The following SNX20 variants were observed in gnomAD, a reference collection of about 807,000 sequenced individuals.
SNX20 encodes sorting nexin-20.
SNX20 carries 21 observed loss-of-function variants against 24.5 expected under a neutral mutation model. The observed-to-expected ratio is 0.86, with a 90% CI of 0.61 to 1.23. The LOEUF is 1.23. Ranked by LOEUF, SNX20 falls within the 50% of genes most tolerant of loss-of-function variation. The pLI is 0.00. For synonymous variants in SNX20, 206 were observed against 192.8 expected, an observed-to-expected ratio of 1.07 and a Z score of -0.57; for missense variants, 433 against 430.8, an observed-to-expected ratio of 1.00 and a Z score of -0.04.
chr16:50,667,871 G>A (rs1413463978), downstream of SNX20: 8 of 801,088 alleles, frequency 1.0e-5, no homozygotes, highest in Admixed American at 1.8e-4. Flanking sequence ...GGCTCGGCGT[G>A]GGGACTTTTG....
downstream of SNX20, chr16:50,668,996 G>T (rs1039205011): frequency 1.9e-6 from 3 of 1,550,654 alleles, no homozygotes; most frequent in Non-Finnish European, 2.6e-6. Flanking sequence ...ACCCCTAAGA[G>T]CTTCCTGGAA....
intron 2 of SNX20, among the ~76,000 whole-genome samples, chr16:50,676,446 G>A (rs1963184243): frequency 6.6e-6 from 1 of 152,114 alleles, no homozygotes; most frequent in Non-Finnish European, 1.5e-5. Flanking sequence ...GACGTGCACT[G>A]CTCTGCCTTG....
In SNX20 at chr16:50,675,425, C is replaced by A. The variant is rs528518894; in HGVS notation, c.282+345G>T. 5.1e-4 allele frequency among the ~76,000 whole-genome samples: 77 copies of A among 152,112 alleles called. No homozygotes were observed. In the East Asian group the frequency reaches 0.013, roughly 25 times the overall value. ...TGCTTCATGTTTTTAAAAAGTGATC[C>A]AATTTAAAGAAAAAAATAAGTAATA... On this transcript the variant is annotated intron_variant, in intron 3 of 3. Coordinates refer to ENST00000330943, the MANE Select transcript of SNX20 (RefSeq NM_182854.4).
In SNX20 at chr16:50,677,403, G is replaced by A. The variant is rs1334422714; in HGVS notation, c.124C>T (p.His42Tyr). ...PDLPHPGPDGHLDTHSGLSSN... is the reference protein window; with the variant it reads ...PDLPHPGPDGYLDTHSGLSSN... ...TCTCAAGCCTCAAGCCCACCTAAGT[G>A]CCCGTCAGGTCCTGGGTGCGGGAGG... Residue 42 changes from histidine (H) to tyrosine (Y), a missense_variant, in exon 2 of 4, where the codon CAC (histidine) becomes TAC (tyrosine). Coordinates refer to ENST00000330943, the MANE Select transcript of SNX20 (RefSeq NM_182854.4). 1.3e-6 allele frequency: 2 copies of A among 1,590,850 alleles called. No homozygotes were observed. The highest frequency in any genetic ancestry group is 1.7e-6 in the Non-Finnish European group (2 of 1,167,904).
downstream of SNX20, chr16:50,667,862 G>T (rs1962950870): frequency 6.7e-6 from 5 of 742,406 alleles, no homozygotes; most frequent in Non-Finnish European, 4.5e-6. Context: ...ACAGATGAGG[G>T]CTCGGCGTGG....
downstream of SNX20, chr16:50,670,051 G>T (rs1005816000): frequency 3.3e-5 from 5 of 152,294 alleles, no homozygotes; most frequent in African/African-American, 9.7e-5. Flanking sequence ...CCAGTGGGGG[G>T]GAGTGGCTGC....
At chr16:50,678,864 CTG>C (rs1963237756) in intron 1 of SNX20, among the ~76,000 whole-genome samples, 2 of 152,200 alleles carry the variant, frequency 1.3e-5, no homozygotes. Context: ...CAGGCAGACT[CTG>C]AAGCCTCAGC....
downstream of SNX20, chr16:50,668,261 GACA>G: frequency 7.0e-7 from 1 of 1,420,868 alleles, no homozygotes; most frequent in Non-Finnish European, 9.2e-7. Flanking sequence ...CCTTTTGCAG[GACA>G]ACATTTTCCA....
Position 50,671,729 on chromosome 16 carries a change from G to C in SNX20, c.*1677C>G, listed in dbSNP as rs1365179407. On this transcript the variant is annotated 3_prime_UTR_variant, in exon 4 of 4. Transcript: ENST00000330943. Reference sequence around the variant, plus strand: ...TCAAGAAGTCCAATATCTCTCACTTGAAGTGTCTTTTCCCTGGAGTAGATT... The same window carrying C: ...TCAAGAAGTCCAATATCTCTCACTTCAAGTGTCTTTTCCCTGGAGTAGATT... The C allele has an allele frequency of 2.6e-5, 4 of 152,142 alleles. No homozygotes were observed. 9.4% of individuals were successfully genotyped at this position (152,142 alleles called of 1,614,324 possible).
chr16:50,668,715 C>T, downstream of SNX20: 2 of 1,088,466 alleles, frequency 1.8e-6, no homozygotes, highest in Non-Finnish European at 2.2e-6. Flanking sequence ...TGGCTGGGCA[C>T]AGCTTGGCTT....
downstream of SNX20, chr16:50,667,932 TA>T (rs1054263866): frequency 3.7e-6 from 5 of 1,346,744 alleles, no homozygotes; most frequent in Admixed American, 2.0e-5. Flanking sequence ...GCTAGATGGG[TA>T]GGGGGGGACC....
At chr16:50,680,961 G>A (rs1209840936) in intron 1 of SNX20, among the ~76,000 whole-genome samples, 1 of 152,228 alleles carries the variant, frequency 6.6e-6, no homozygotes, top group African/African-American at 2.4e-5. Flanking sequence ...CCAGGCCCAA[G>A]ATGGGTTGTA....
intron 2 of SNX20, among the ~76,000 whole-genome samples, chr16:50,676,424 G>A (rs1005346039): frequency 2.0e-5 from 3 of 152,104 alleles, no homozygotes; most frequent in African/African-American, 7.2e-5. Context: ...CCCACATGCC[G>A]GGCTCTTCTC....
rs1248844896 is a variant in SNX20, at chr16:50,673,447, TGCCTCGGGGCGTGG to T, written c.896_909del (p.Pro299HisfsTer60). ...CGCACAGTGAGCTCCTTCAGGGTGATGCCTCGGGGCGTGGGCCTCCGGAGCTGGCTCTCCTCCAG... is the reference window on the plus strand; with the variant it reads ...CGCACAGTGAGCTCCTTCAGGGTGATGCCTCCGGAGCTGGCTCTCCTCCAG... On this transcript the variant is annotated frameshift_variant, in exon 4 of 4. Coordinates refer to ENST00000330943, the MANE Select transcript of SNX20 (RefSeq NM_182854.4). LOFTEE classifies it high-confidence loss of function. The surrounding 1 kb of genome is among the most constrained non-coding windows in gnomAD (Gnocchi z 4.1). 1.3e-6 allele frequency: 2 copies of T among 1,592,978 alleles called. No homozygotes were observed. Among genetic ancestry groups the T allele is most frequent in the East Asian group, 4.6e-5 (2 of 43,220 alleles).
downstream of SNX20, chr16:50,668,167 G>T: frequency 6.5e-7 from 1 of 1,535,982 alleles, no homozygotes; most frequent in African/African-American, 1.4e-5. Context: ...AAGTCTCCAG[G>T]GTGCTTGGGC....
At chr16:50,666,819 G>C (rs1041217100), downstream of SNX20, 1 of 152,292 alleles carries the variant, frequency 6.6e-6, no homozygotes, top group Non-Finnish European at 1.5e-5. Flanking sequence ...ACCCTGGATG[G>C]GGGAGTCCTC....
At chr16:50,674,399 C>T (rs975979958) in intron 3 of SNX20, among the ~76,000 whole-genome samples, 2 of 151,914 alleles carry the variant, frequency 1.3e-5, no homozygotes, top group Admixed American at 6.6e-5. Flanking sequence ...ACAGGCACAC[C>T]CACTACCTGG....
intron 3 of SNX20, 56 bp from the exon 4 acceptor site, chr16:50,674,130 G>C: frequency 6.5e-7 from 1 of 1,530,732 alleles, no homozygotes; most frequent in Non-Finnish European, 8.8e-7. Flanking sequence ...TGCGGCGGAC[G>C]GAGCACACCC....
rs1963067565 is a variant in SNX20 at position 50,672,314 on chromosome 16, CAGGGAACA to C, written c.*1084_*1091del. 1 of 152,254 alleles carries C rather than the reference CAGGGAACA, an allele frequency of 6.6e-6. No individual in the cohort carries two copies. The highest frequency in any genetic ancestry group is 1.9e-4 in the East Asian group (1 of 5,196). 9.4% of individuals were successfully genotyped at this position (152,254 alleles called of 1,614,324 possible). Reference sequence around the variant, plus strand: ...TTCTACATAACCCAGGGAAGCCATTCAGGGAACAGCTGCCTTATGAATGAAAATCCACC... The same window carrying C: ...TTCTACATAACCCAGGGAAGCCATTCGCTGCCTTATGAATGAAAATCCACC... On this transcript the variant is annotated 3_prime_UTR_variant, in exon 4 of 4. Transcript: ENST00000330943.
Sources: gnomAD v4.1 joint callset for allele counts (sites outside exome capture counted in the v4.1 genomes callset) on GRCh38, gnomAD v4.1.1 for gene constraint, Gnocchi (gnomAD v3.1) non-coding constraint, MANE v1.5 for transcripts, NCBI Gene and HGNC (gene_info 2026-07-23, HGNC 2026-07-21) for gene names.